Variants in MAPK8 observed in about 807,000 individuals in gnomAD.
MAPK8 encodes the protein mitogen-activated protein kinase 8.
MAPK8 carries 13 observed loss-of-function variants against 52.9 expected under a neutral mutation model. That is an observed-to-expected ratio of 0.25 (90% confidence interval 0.16 to 0.39). The LOEUF is 0.39. MAPK8 is among the 10% of genes least tolerant of loss of function. MAPK8 has a pLI of 1.00. For synonymous variants in MAPK8, 191 were observed against 169.8 expected, an observed-to-expected ratio of 1.12 and a Z score of -0.97; for missense variants, 300 against 519.2, an observed-to-expected ratio of 0.58 and a Z score of 4.10.
At position 48,377,303 on chromosome 10, in the gene MAPK8, A is replaced by G. The variant is rs1005803169; in HGVS notation, c.-49-24309A>G. ...CAGCAAACCACCATGGCACATGTAT[A>G]CCTATGTAACAGACCTGCACATTCT... On this transcript the variant is annotated intron_variant, in intron 1 of 11. Transcript: ENST00000374189. Among the ~76,000 whole-genome samples the G allele has an allele frequency of 3.3e-5, 5 of 152,164 alleles. 1 individual carries two copies. The South Asian group carries it at 1.0e-3, about 32-fold the overall frequency.
chr10:48,375,345 T>A (rs1399836411), intron 1 of MAPK8, among the ~76,000 whole-genome samples: 1 of 152,158 alleles, frequency 6.6e-6, no homozygotes, highest in Admixed American at 6.5e-5. Context: ...AAGGATGCAC[T>A]CTCTCACCAC....
intron 2 of MAPK8, 60 bp downstream of exon 2, chr10:48,401,842 C>A (rs1485987000): frequency 7.7e-7 from 1 of 1,293,348 alleles, no homozygotes; most frequent in Non-Finnish European, 1.0e-6. Context: ...TTTCTCCTCT[C>A]GTAATTTAGA....
chr10:48,372,132 AACCT>A (rs1848587635), intron 1 of MAPK8, among the ~76,000 whole-genome samples: 1 of 152,088 alleles, frequency 6.6e-6, no homozygotes, highest in Non-Finnish European at 1.5e-5. Flanking sequence ...TTATCGACTC[AACCT>A]TCAGCTCCTC....
rs769355674 is a variant in MAPK8, at chr10:48,424,602, C to A, written c.688+443C>A. 1.5e-5 allele frequency: 23 copies of A among 1,546,780 alleles called. No homozygotes were observed. In the South Asian group the frequency reaches 2.8e-4, roughly 19 times the overall value. On this transcript the variant is annotated intron_variant, in intron 7 of 11. Coordinates refer to ENST00000374189, the MANE Select transcript of MAPK8 (RefSeq NM_001323329.2). ...GTACAGATCGTATCCTTATCTTTGG[C>A]CTAAAATGTAGTTTCTAAAGGTCAA...
At chr10:48,323,442 T>G (rs565155168) in intron 1 of MAPK8, among the ~76,000 whole-genome samples, 1 of 152,196 alleles carries the variant, frequency 6.6e-6, no homozygotes, top group Non-Finnish European at 1.5e-5. Context: ...GCTGGACTTA[T>G]GGTTGTGTCT....
chr10:48,406,714 C>T (rs1403586203), intron 3 of MAPK8, among the ~76,000 whole-genome samples: 1 of 152,166 alleles, frequency 6.6e-6, no homozygotes, highest in Non-Finnish European at 1.5e-5. Flanking sequence ...CAGATTGTCT[C>T]TTCACTGGTC....
Position 48,386,339 on chromosome 10 carries a change from C to T in MAPK8, c.-49-15273C>T, listed in dbSNP as rs578238904. Among the ~76,000 whole-genome samples, 284 of 152,188 alleles carry T rather than the reference C, an allele frequency of 1.9e-3. 2 individuals are homozygous for T. The highest frequency in any genetic ancestry group is 3.5e-3 in the Non-Finnish European group (238 of 68,014). ...CAGCATTCTTTCTTGTGTAAAACCT[C>T]ATAAAAATTTTATGGAAATTTATGG... On this transcript the variant is annotated intron_variant, in intron 1 of 11. Coordinates refer to ENST00000374189, the MANE Select transcript of MAPK8 (RefSeq NM_001323329.2).
chr10:48,420,150 T>C lies in MAPK8; in HGVS notation c.451-5T>C. On this transcript the variant is annotated splice_polypyrimidine_tract_variant and splice_region_variant and intron_variant, in intron 5 of 11. Coordinates refer to ENST00000374189, the MANE Select transcript of MAPK8 (RefSeq NM_001323329.2). ...CAGTCATTTTTTAATTTTTATTTTC[T>C]GAAGGACTTAAAGCCCAGTAATATA... 1 of 1,602,390 alleles carries C rather than the reference T, an allele frequency of 6.2e-7. No homozygotes were observed. Among genetic ancestry groups the C allele is most frequent in the Non-Finnish European group, 8.5e-7 (1 of 1,172,964 alleles).
At chr10:48,341,818 G>C (rs1287089774) in intron 1 of MAPK8, among the ~76,000 whole-genome samples, 1 of 152,232 alleles carries the variant, frequency 6.6e-6, no homozygotes, top group Non-Finnish European at 1.5e-5. Context: ...GCTTCCCTGA[G>C]AAGCTGGTAG....
intron 5 of MAPK8, among the ~76,000 whole-genome samples, chr10:48,412,308 T>C (rs891821284): frequency 1.3e-5 from 2 of 152,258 alleles, no homozygotes; most frequent in African/African-American, 4.8e-5. Context: ...ACAGTTTGAT[T>C]ATGTGTCTTA....
intron 1 of MAPK8, among the ~76,000 whole-genome samples, chr10:48,339,081 G>A (rs1431756885): frequency 1.3e-5 from 2 of 151,826 alleles, no homozygotes; most frequent in African/African-American, 4.8e-5. Context: ...AATTAGAAAA[G>A]ACAATTCTAA....
chr10:48,362,124 T>A (rs1847587305), intron 1 of MAPK8, among the ~76,000 whole-genome samples: 1 of 152,184 alleles, frequency 6.6e-6, no homozygotes, highest in South Asian at 2.1e-4. Flanking sequence ...GTGGATCCTT[T>A]ATGAAACCTG....
chr10:48,408,101 A>G (rs1041075135), intron 3 of MAPK8, among the ~76,000 whole-genome samples: 54 of 152,246 alleles, frequency 3.5e-4, no homozygotes, highest in African/African-American at 1.3e-3. Flanking sequence ...AAAAACATCA[A>G]TTCTGCCCTT....
At chr10:48,347,736 T>C (rs1228246113) in intron 1 of MAPK8, among the ~76,000 whole-genome samples, 3 of 152,356 alleles carry the variant, frequency 2.0e-5, no homozygotes, top group Middle Eastern at 3.4e-3. Flanking sequence ...CTCATCCTTT[T>C]TGATGGCTGC....
At chr10:48,337,393 C>G (rs1844791734) in intron 1 of MAPK8, among the ~76,000 whole-genome samples, 1 of 46,070 alleles carries the variant, frequency 2.2e-5, no homozygotes, top group Non-Finnish European at 3.6e-5. Flanking sequence ...GGCAGAAATA[C>G]AATTTTTTTT....
chr10:48,356,888 ACGTAGTTTACC>A (rs1847020574), intron 1 of MAPK8, among the ~76,000 whole-genome samples: 1 of 114,942 alleles, frequency 8.7e-6, no homozygotes, highest in Non-Finnish European at 1.9e-5. Context: ...AAATCCAACT[ACGTAGTTTACC>A]AAAAAAAAAA....
chr10:48,348,309 T>A (rs538970869), intron 1 of MAPK8, among the ~76,000 whole-genome samples: 1 of 152,222 alleles, frequency 6.6e-6, no homozygotes, highest in South Asian at 2.1e-4. Context: ...ATGGATAGAT[T>A]GCAAAAATTT....
chr10:48,411,611 A>T lies in MAPK8; in HGVS notation c.450+1443A>T, dbSNP rs140004303. 2.4e-3 allele frequency among the ~76,000 whole-genome samples: 367 copies of T among 152,240 alleles called. 1 individual carries two copies. Among genetic ancestry groups the T allele is most frequent in the African/African-American group, 8.4e-3 (347 of 41,548 alleles). On this transcript the variant is annotated intron_variant, in intron 5 of 11. Transcript: ENST00000374189. ...TTTTAGCTTTTCAGAGCCCTTTGTG[A>T]TGCCATATGAATTTGAGTATCATTC...
intron 1 of MAPK8, among the ~76,000 whole-genome samples, chr10:48,362,738 T>G (rs1224827115): frequency 1.3e-4 from 1 of 7,592 alleles, no homozygotes; most frequent in African/African-American, 5.6e-4. Flanking sequence ...ATTTTATTAG[T>G]TTTTTTTTTT....
Sources: allele counts gnomAD v4.1 joint callset (sites outside exome capture counted in the v4.1 genomes callset), GRCh38; gene constraint gnomAD v4.1.1; transcripts MANE v1.5; gene names NCBI Gene and HGNC (gene_info 2026-07-23, HGNC 2026-07-21).